Variants in ZCCHC4 observed in about 807,000 individuals in gnomAD.
ZCCHC4 encodes rRNA N(6)-adenosine-methyltransferase ZCCHC4.
In ZCCHC4, 54 loss-of-function variants were observed where a neutral mutation model predicts 67.7. The observed-to-expected ratio is 0.80, with a 90% CI of 0.64 to 1.00. The LOEUF is 1.00. ZCCHC4 is among the 50% of genes least tolerant of loss of function. The probability of loss-of-function intolerance (pLI) is 0.00; values close to 1 mark genes in which losing one functional copy is unlikely to be tolerated. For missense variants in ZCCHC4, 609 were observed against 617.0 expected, an observed-to-expected ratio of 0.99 and a Z score of 0.14; for synonymous variants, 198 against 213.5, an observed-to-expected ratio of 0.93 and a Z score of 0.63.
chr4:25,349,940 C>G (rs567434124), intron 7 of ZCCHC4, among the ~76,000 whole-genome samples: 10 of 151,966 alleles, frequency 6.6e-5, no homozygotes, highest in Non-Finnish European at 1.0e-4. Context: ...AAATATTTAC[C>G]GAGTGGCCAC....
chr4:25,360,805 G>A (rs964083704), intron 8 of ZCCHC4, among the ~76,000 whole-genome samples: 1 of 152,186 alleles, frequency 6.6e-6, no homozygotes, highest in Admixed American at 6.5e-5. Flanking sequence ...TGATGGGGGG[G>A]CATGATACAC....
chr4:25,341,096 C>T (rs935758810), intron 5 of ZCCHC4, among the ~76,000 whole-genome samples: 1 of 152,092 alleles, frequency 6.6e-6, no homozygotes, highest in African/African-American at 2.4e-5. Context: ...CCACCTCGAC[C>T]TCCCAAATGA....
chr4:25,367,369 T>G (rs1458943114), intron 12 of ZCCHC4, among the ~76,000 whole-genome samples: 1 of 152,208 alleles, frequency 6.6e-6, no homozygotes, highest in Non-Finnish European at 1.5e-5. Context: ...GTATTCATAT[T>G]ACAAATGAAT....
chr4:25,352,420 T>C, intron 8 of ZCCHC4: 2 of 985,460 alleles, frequency 2.0e-6, no homozygotes, highest in Non-Finnish European at 2.4e-6. Flanking sequence ...GCTTCTTTTT[T>C]TTTTTTGAGA....
At chr4:25,313,878 A>G (rs1033097477) in intron 1 of ZCCHC4, among the ~76,000 whole-genome samples, 168 bp from the exon 2 acceptor site, 1 of 152,168 alleles carries the variant, frequency 6.6e-6, no homozygotes, top group African/African-American at 2.4e-5. Context: ...AAAACAAAAC[A>G]AAAAACCCTA....
chr4:25,369,030 G>A lies in ZCCHC4; in HGVS notation c.1408G>A (p.Ala470Thr), dbSNP rs1721049759. 6.2e-7 allele frequency: 1 copy of A among 1,607,502 alleles called. No homozygotes were observed. The highest frequency in any genetic ancestry group is 1.7e-5 in the Admixed American group (1 of 58,346). The change falls in exon 13 of 13, where the codon GCT becomes ACT. Residue 470 changes from alanine (A) to threonine (T), a missense_variant and splice_region_variant. Ala to Thr is a moderately conservative substitution (Grantham distance 58). Coordinates refer to ENST00000302874, the MANE Select transcript of ZCCHC4 (RefSeq NM_024936.3). Reference sequence around the variant, plus strand: ...ATAATTTAGCACCTTGTTTTCCAGAGCTGTCAGAAAGCAGAAGCAAAGAAA... The same window carrying A: ...ATAATTTAGCACCTTGTTTTCCAGAACTGTCAGAAAGCAGAAGCAAAGAAA... The part of the protein sequence containing the change: ...NIATSKRANK[A>T]VRKQKQRKSN...
intron 10 of ZCCHC4, among the ~76,000 whole-genome samples, chr4:25,362,611 G>C (rs912133226): frequency 6.6e-6 from 1 of 152,160 alleles, no homozygotes; most frequent in East Asian, 1.9e-4. Flanking sequence ...AAATTATGGT[G>C]TTTCAAATAA....
intron 5 of ZCCHC4, among the ~76,000 whole-genome samples, chr4:25,342,110 T>C (rs10034120): frequency 6.2e-4 from 95 of 152,318 alleles, no homozygotes; most frequent in African/African-American, 2.1e-3. Flanking sequence ...AGTCTGTTAT[T>C]GAGTCAGTTC....
At chr4:25,335,829 G>A (rs1396012774) in intron 5 of ZCCHC4, among the ~76,000 whole-genome samples, 4 of 152,112 alleles carry the variant, frequency 2.6e-5, no homozygotes, top group Non-Finnish European at 5.9e-5. Context: ...ACTCTAAGTT[G>A]TCTGACATAC....
chr4:25,365,524 A>G, intron 12 of ZCCHC4: 1 of 1,000,026 alleles, frequency 1.0e-6, no homozygotes, highest in African/African-American at 1.7e-5. Flanking sequence ...CAGATCAGAT[A>G]TAGACACATG....
At chr4:25,366,036 G>A (rs2109096144) in intron 12 of ZCCHC4, 4 of 979,070 alleles carry the variant, frequency 4.1e-6, no homozygotes, top group Non-Finnish European at 2.4e-6. Context: ...GGGCTACCAT[G>A]TGACTATGAC....
intron 3 of ZCCHC4, among the ~76,000 whole-genome samples, chr4:25,329,249 C>T (rs974992976): frequency 6.6e-6 from 1 of 152,044 alleles, no homozygotes; most frequent in African/African-American, 2.4e-5. Context: ...CTTCATGTTT[C>T]TTGTACTGTG....
At position 25,359,002 on chromosome 4, in the gene ZCCHC4, C is replaced by T. The variant is rs371995467; in HGVS notation, c.1012-2857C>T. Reference sequence around the variant, plus strand: ...GTTTGGGCTGAAACCTGACACTTGGCGTGACAATTGACATCACGAACAGGA... The same window carrying T: ...GTTTGGGCTGAAACCTGACACTTGGTGTGACAATTGACATCACGAACAGGA... On this transcript the variant is annotated intron_variant, in intron 8 of 12. Transcript: ENST00000302874. The surrounding 1 kb of genome is among the most constrained non-coding windows in gnomAD (Gnocchi z 4.9). 3.9e-5 allele frequency among the ~76,000 whole-genome samples: 6 copies of T among 152,134 alleles called. No individual in the cohort carries two copies. Among genetic ancestry groups the T allele is most frequent in the African/African-American group, 1.4e-4 (6 of 41,402 alleles).
At chr4:25,330,180 AG>A (rs1421560225) in intron 3 of ZCCHC4, among the ~76,000 whole-genome samples, 1 of 151,904 alleles carries the variant, frequency 6.6e-6, no homozygotes, top group Non-Finnish European at 1.5e-5. Context: ...TAGTAGAGAC[AG>A]GGTTTCACCA....
Position 25,364,392 on chromosome 4 carries a change from G to T in ZCCHC4, c.1210-62G>T, listed in dbSNP as rs1720862560. 13 of 1,245,002 alleles carry T rather than the reference G, an allele frequency of 1.0e-5. No homozygotes were observed. In the East Asian group the frequency reaches 3.3e-4, roughly 31 times the overall value. The allele number at this position is 1,245,002 out of a possible 1,614,324, so 77.1% of individuals were successfully genotyped here. A position where few individuals can be genotyped will look rare whatever the true frequency, so the allele number is the denominator to read the frequency against. On this transcript the variant is annotated intron_variant, in intron 10 of 12. Coordinates refer to ENST00000302874, the MANE Select transcript of ZCCHC4 (RefSeq NM_024936.3). The stretch of plus-strand genomic sequence containing the variant: ...TAATAAGACATTTTAATTTTTAATT[G>T]TAGAACTTGATTTTTAATAACAAAT...
At chr4:25,329,060 A>T (rs997733498) in intron 3 of ZCCHC4, among the ~76,000 whole-genome samples, 1 of 151,828 alleles carries the variant, frequency 6.6e-6, no homozygotes, top group Non-Finnish European at 1.5e-5. Flanking sequence ...GGTGGCAAGC[A>T]CCTGTAGTTG....
chr4:25,317,739 A>T (rs1718344169), intron 3 of ZCCHC4, among the ~76,000 whole-genome samples: 1 of 145,032 alleles, frequency 6.9e-6, no homozygotes, highest in Non-Finnish European at 1.5e-5. Context: ...AAGAAAAGAA[A>T]ATGGAGCACT....
At chr4:25,356,222 TTGTGAGTGAAATG>T (rs1720511734) in intron 8 of ZCCHC4, among the ~76,000 whole-genome samples, 1 of 152,180 alleles carries the variant, frequency 6.6e-6, no homozygotes, top group African/African-American at 2.4e-5. Context: ...CTCATCATCA[TTGTGAGTGAAATG>T]TCAGGGATAA....
chr4:25,358,348 T>C (rs1256818329), intron 8 of ZCCHC4, among the ~76,000 whole-genome samples: 2 of 152,178 alleles, frequency 1.3e-5, no homozygotes, highest in Non-Finnish European at 2.9e-5. Flanking sequence ...AAACATAAGA[T>C]GACACAGAGC....
Sources: allele counts gnomAD v4.1 joint callset (sites outside exome capture counted in the v4.1 genomes callset), GRCh38; gene constraint gnomAD v4.1.1; non-coding constraint Gnocchi (gnomAD v3.1); transcripts MANE v1.5; gene names NCBI Gene and HGNC (gene_info 2026-07-23, HGNC 2026-07-21).